KIF16B: variants seen among roughly 807,000 people sequenced by gnomAD.
KIF16B encodes kinesin family member 16B.
A neutral mutation model predicts 156.3 loss-of-function variants in KIF16B; 98 were observed. That is an observed-to-expected ratio of 0.63 (90% CI 0.53 to 0.74). KIF16B has a LOEUF of 0.74. Ranked by LOEUF, KIF16B falls within the 30% of genes least tolerant of loss-of-function variation. KIF16B has a pLI of 0.00. For synonymous variants in KIF16B, 564 were observed against 583.7 expected (o/e 0.97, Z 0.49); for missense variants, 1,421 against 1,606.5 (o/e 0.88, Z 1.97).
chr20:16,298,509 G>T (rs764617472), intron 25 of KIF16B, among the ~76,000 whole-genome samples: 1 of 152,154 alleles, frequency 6.6e-6, no homozygotes, highest in Admixed American at 6.5e-5. Flanking sequence ...GTGTAGAGGT[G>T]TTTATAGTAT....
chr20:16,383,452 G>A (rs927756446), intron 17 of KIF16B, among the ~76,000 whole-genome samples: 1 of 152,060 alleles, frequency 6.6e-6, no homozygotes, highest in African/African-American at 2.4e-5. Flanking sequence ...CTGTTAGATA[G>A]CAATATATTT....
intron 16 of KIF16B, 69 bp downstream of exon 16, chr20:16,406,305 G>A: frequency 1.5e-6 from 2 of 1,335,188 alleles, no homozygotes; most frequent in Non-Finnish European, 1.1e-6. Context: ...ATTGGAACCA[G>A]AGTGACCACC....
intron 1 of KIF16B, among the ~76,000 whole-genome samples, chr20:16,568,222 T>C (rs1351689195): frequency 1.3e-5 from 2 of 151,780 alleles, no homozygotes; most frequent in Non-Finnish European, 2.9e-5. Flanking sequence ...CCTGAGAGGC[T>C]AATCAGGAAG....
At chr20:16,369,585 A>G (rs1011709085) in intron 22 of KIF16B, among the ~76,000 whole-genome samples, 1 of 152,162 alleles carries the variant, frequency 6.6e-6, no homozygotes, top group Non-Finnish European at 1.5e-5. Flanking sequence ...AAGCCCTCTG[A>G]TTCAATGTTT....
At chr20:16,546,976 C>A (rs757338783) in intron 1 of KIF16B, among the ~76,000 whole-genome samples, 30 of 152,050 alleles carry the variant, frequency 2.0e-4, no homozygotes, top group Non-Finnish European at 2.9e-4. Flanking sequence ...AGGGTTTTGC[C>A]ATTTTGCCCA....
intron 11 of KIF16B, among the ~76,000 whole-genome samples, chr20:16,495,299 A>C (rs2068418056): frequency 6.6e-6 from 1 of 152,184 alleles, no homozygotes; most frequent in Non-Finnish European, 1.5e-5. Flanking sequence ...AATCAGGCCA[A>C]AATAAATGCA....
In KIF16B at chr20:16,573,302, G is replaced by T; in HGVS notation, c.-27C>A. 1 of 1,608,978 alleles carries T rather than the reference G, an allele frequency of 6.2e-7. No individual in the cohort carries two copies. The highest frequency in any genetic ancestry group is 2.2e-5 in the East Asian group (1 of 44,696). On this transcript the variant is annotated 5_prime_UTR_variant, in exon 1 of 26. Transcript: ENST00000354981. ...GCTCATCCCGAACCAGCCCGCGCGGGGTCCCACTAGCCCAGAACTCCGCGG... is the reference window on the plus strand; with the variant it reads ...GCTCATCCCGAACCAGCCCGCGCGGTGTCCCACTAGCCCAGAACTCCGCGG...
At chr20:16,302,307 CTGTGTCTAGAT>C (rs2063483319) in intron 25 of KIF16B, among the ~76,000 whole-genome samples, 2 of 152,182 alleles carry the variant, frequency 1.3e-5, no homozygotes, top group Non-Finnish European at 2.9e-5. Flanking sequence ...GGCATAAGGT[CTGTGTCTAGAT>C]TGGTTTTTTT....
At chr20:16,389,466 G>C (rs1437361365) in intron 17 of KIF16B, among the ~76,000 whole-genome samples, 1 of 152,172 alleles carries the variant, frequency 6.6e-6, no homozygotes, top group Non-Finnish European at 1.5e-5. Context: ...GAACTCAATG[G>C]ACGGTGTTTC....
intron 25 of KIF16B, among the ~76,000 whole-genome samples, chr20:16,277,643 C>A (rs1469157956): frequency 6.6e-6 from 1 of 151,994 alleles, no homozygotes; most frequent in East Asian, 1.9e-4. Context: ...TCACCGTAGC[C>A]CTCCCAGGAT....
chr20:16,304,904 T>A (rs760872860), intron 25 of KIF16B, among the ~76,000 whole-genome samples: 7 of 152,190 alleles, frequency 4.6e-5, no homozygotes, highest in Admixed American at 1.3e-4. Flanking sequence ...GTGTTTTTAG[T>A]CAGGAAAAAC....
intron 12 of KIF16B, among the ~76,000 whole-genome samples, chr20:16,473,524 G>A (rs934540986): frequency 3.3e-5 from 5 of 152,162 alleles, no homozygotes; most frequent in Non-Finnish European, 7.4e-5. Context: ...GGAAGAGATC[G>A]CAGGGACTAG....
intron 22 of KIF16B, among the ~76,000 whole-genome samples, chr20:16,366,315 G>A (rs999762802): frequency 6.6e-6 from 1 of 152,146 alleles, no homozygotes; most frequent in African/African-American, 2.4e-5. Context: ...AGATGCCAGA[G>A]GAAGGTACCT....
intron 15 of KIF16B, among the ~76,000 whole-genome samples, chr20:16,416,648 T>C (rs1365296013): frequency 2.6e-5 from 4 of 151,274 alleles, no homozygotes; most frequent in African/African-American, 7.3e-5. Flanking sequence ...GATGGGTTGA[T>C]AGGTGCAGCA....
chr20:16,362,719 A>T (rs926203409), intron 22 of KIF16B, among the ~76,000 whole-genome samples: 4 of 152,320 alleles, frequency 2.6e-5, no homozygotes, highest in African/African-American at 9.6e-5. Context: ...TAAATTTCCA[A>T]ATCTGAAATG....
chr20:16,309,834 T>C (rs1003262680), intron 25 of KIF16B, among the ~76,000 whole-genome samples: 27 of 152,210 alleles, frequency 1.8e-4, no homozygotes, highest in Non-Finnish European at 3.4e-4. Context: ...TATATATGAC[T>C]AGGTAAAGTT....
At position 16,573,295 on chromosome 20, in the gene KIF16B, C is replaced by T. The variant is rs1316805120; in HGVS notation, c.-20G>A. The T allele has an allele frequency of 3.1e-6, 5 of 1,609,388 alleles. No individual in the cohort carries two copies. Among genetic ancestry groups the T allele is most frequent in the Admixed American group, 1.7e-5 (1 of 59,780 alleles). On this transcript the variant is annotated 5_prime_UTR_variant, in exon 1 of 26. Transcript: ENST00000354981. Reference sequence around the variant, plus strand: ...TGCCATCGCTCATCCCGAACCAGCCCGCGCGGGGTCCCACTAGCCCAGAAC... The same window carrying T: ...TGCCATCGCTCATCCCGAACCAGCCTGCGCGGGGTCCCACTAGCCCAGAAC...
At chr20:16,308,814 C>T (rs182353219) in intron 25 of KIF16B, among the ~76,000 whole-genome samples, 8 of 152,382 alleles carry the variant, frequency 5.2e-5, no homozygotes, top group Non-Finnish European at 4.4e-5. Flanking sequence ...CTAAGTTACG[C>T]TATCTCACTG....
chr20:16,470,661 CT>C (rs1247299482), intron 12 of KIF16B, among the ~76,000 whole-genome samples: 2,059 of 136,646 alleles, frequency 0.015, 29 homozygotes, highest in African/African-American at 0.044. Context: ...TTCTTTTTTT[CT>C]TTTTTTTTTT....
Sources: allele counts gnomAD v4.1 joint callset (sites outside exome capture counted in the v4.1 genomes callset), GRCh38; gene constraint gnomAD v4.1.1; transcripts MANE v1.5; gene names NCBI Gene and HGNC (gene_info 2026-07-23, HGNC 2026-07-21).